CPAMD8: variants seen among roughly 807,000 people sequenced by gnomAD.
CPAMD8 encodes C3 and PZP-like alpha-2-macroglobulin domain-containing protein 8.
Under a neutral mutation model 224.7 loss-of-function variants are expected in CPAMD8, and 146 were observed. The observed-to-expected ratio is 0.65, with a 90% CI of 0.57 to 0.75. The LOEUF is 0.75. CPAMD8 is among the 30% of genes least tolerant of loss of function. CPAMD8 has a pLI of 0.00. For synonymous variants in CPAMD8, 966 were observed against 1,044.6 expected (o/e 0.92, Z 1.45); for missense variants, 2,301 against 2,537.5 (o/e 0.91, Z 2.00).
At chr19:16,943,296 G>A (rs970411021) in intron 22 of CPAMD8, among the ~76,000 whole-genome samples, 3 of 152,176 alleles carry the variant, frequency 2.0e-5, no homozygotes, top group Admixed American at 6.5e-5. Context: ...GACTATAGGC[G>A]TGAGCCACCG....
At chr19:16,988,336 C>T (rs186190047) in intron 13 of CPAMD8, among the ~76,000 whole-genome samples, 67 of 151,916 alleles carry the variant, frequency 4.4e-4, no homozygotes, top group South Asian at 1.1e-3. Context: ...ACGAGCCGGG[C>T]GTGGTGGCTC....
At chr19:16,932,023 C>T (rs2053560638) in intron 23 of CPAMD8, among the ~76,000 whole-genome samples, 1 of 151,726 alleles carries the variant, frequency 6.6e-6, no homozygotes, top group Non-Finnish European at 1.5e-5. Context: ...TGTAAGAACA[C>T]AAGAAACGTG....
chr19:17,003,048 A>G (rs2056382462), intron 8 of CPAMD8, among the ~76,000 whole-genome samples: 1 of 151,762 alleles, frequency 6.6e-6, no homozygotes, highest in African/African-American at 2.4e-5. Flanking sequence ...GACTGCAGGC[A>G]CATGCCACCA....
intron 17 of CPAMD8, among the ~76,000 whole-genome samples, chr19:16,972,439 A>AC (rs2055096036): frequency 6.8e-6 from 1 of 147,090 alleles, no homozygotes. Flanking sequence ...GTGAACAAGA[A>AC]TTTTTTTTTT....
chr19:16,903,542 G>A lies in CPAMD8; in HGVS notation c.4470+19C>T, dbSNP rs775083584. 1.9e-5 allele frequency: 30 copies of A among 1,613,780 alleles called. No homozygotes were observed. Among genetic ancestry groups the A allele is most frequent in the South Asian group, 1.1e-4 (10 of 91,058 alleles). On this transcript the variant is annotated intron_variant, in intron 34 of 41. Coordinates refer to ENST00000443236, the MANE Select transcript of CPAMD8 (RefSeq NM_015692.5). Reference sequence around the variant, plus strand: ...AGGAGGACAAGCCCAAGATCACCTCGTGCTCCCCAAAACCTCACCTGCATC... The same window carrying A: ...AGGAGGACAAGCCCAAGATCACCTCATGCTCCCCAAAACCTCACCTGCATC...
Position 17,026,801 on chromosome 19 carries a change from C to T in CPAMD8, c.-159G>A. ...GGCGCCATGCGCCCCGCTCCGCGCC[C>T]GGCCAAGCTGGGGCAGCCCCGGGCC... On this transcript the variant is annotated 5_prime_UTR_variant, in exon 1 of 42. Coordinates refer to ENST00000443236, the MANE Select transcript of CPAMD8 (RefSeq NM_015692.5). 1 of 1,084,856 alleles carries T rather than the reference C, an allele frequency of 9.2e-7. No individual in the cohort carries two copies. The highest frequency in any genetic ancestry group is 1.7e-5 in the African/African-American group (1 of 59,412). 67.2% of individuals were successfully genotyped at this position (1,084,856 alleles called of 1,614,324 possible). A position where few individuals can be genotyped will look rare whatever the true frequency, so the allele number is the denominator to read the frequency against.
intron 23 of CPAMD8, among the ~76,000 whole-genome samples, chr19:16,937,620 C>T (rs1260061584): frequency 6.6e-6 from 1 of 150,564 alleles, no homozygotes; most frequent in Admixed American, 6.6e-5. Context: ...GGATTACAGG[C>T]ACACACAACC....
chr19:16,943,450 C>A (rs1415936508), intron 22 of CPAMD8, among the ~76,000 whole-genome samples: 2 of 151,946 alleles, frequency 1.3e-5, no homozygotes, highest in Non-Finnish European at 2.9e-5. Flanking sequence ...GTTTTCCAGG[C>A]TGAGTATAGT....
rs756126378 is a variant in CPAMD8 at position 16,903,696 on chromosome 19, A to C, written c.4407+6T>G. The C allele has an allele frequency of 6.2e-7, 1 of 1,614,062 alleles. No individual in the cohort carries two copies. The highest frequency in any genetic ancestry group is 1.1e-5 in the South Asian group (1 of 91,076). ...ACCCCCAAACCCTCATCCCAGGAACACGCACCGCTGCTGTCTGCAGAACCT... is the reference window on the plus strand; with the variant it reads ...ACCCCCAAACCCTCATCCCAGGAACCCGCACCGCTGCTGTCTGCAGAACCT... On this transcript the variant is annotated splice_donor_region_variant and intron_variant, in intron 33 of 41. Transcript: ENST00000443236.
At chr19:17,022,579 A>G (rs2056988324) in intron 1 of CPAMD8, among the ~76,000 whole-genome samples, 1 of 149,482 alleles carries the variant, frequency 6.7e-6, no homozygotes, top group Non-Finnish European at 1.5e-5. Flanking sequence ...GCTCACTACA[A>G]CCTCCACCTC....
intron 3 of CPAMD8, among the ~76,000 whole-genome samples, chr19:17,014,567 G>A (rs1466684579): frequency 6.6e-6 from 1 of 152,188 alleles, no homozygotes; most frequent in East Asian, 1.9e-4. Context: ...GGCTGGGGAG[G>A]TCTCACAATC....
chr19:17,000,495 A>T lies in CPAMD8; in HGVS notation c.786T>A (p.Gly262=), dbSNP rs765391726. 9 of 1,428,244 alleles carry T rather than the reference A, an allele frequency of 6.3e-6. No individual in the cohort carries two copies. In the African/African-American group the frequency reaches 9.8e-5, roughly 16 times the overall value. The allele number at this position is 1,428,244 out of a possible 1,614,324, so 88.5% of individuals were successfully genotyped here. Residue 262 remains glycine, a synonymous_variant, in exon 10 of 42, where the codon GGT becomes GGA. Transcript: ENST00000443236. Reference sequence around the variant, plus strand: ...TAACAGTCATGTTGATCATTAAGGCACCAGCCACAGGTTTCCCAAAGGTAT... The same window carrying T: ...TAACAGTCATGTTGATCATTAAGGCTCCAGCCACAGGTTTCCCAAAGGTAT... ...ARYTFGKPVA[G]ALMINMTVNG... is the part of the protein sequence containing the mutation.
chr19:17,020,434 C>CA, intron 2 of CPAMD8, 81 bp from the exon 3 acceptor site: 1 of 1,038,636 alleles, frequency 9.6e-7, no homozygotes, highest in Admixed American at 1.8e-5. Context: ...TCACAAACCA[C>CA]AAACTTTCTT....
Position 16,928,013 on chromosome 19 carries a change from G to C in CPAMD8, c.3366C>G (p.Ile1122Met). The C allele has an allele frequency of 6.2e-7, 1 of 1,610,020 alleles. No individual in the cohort carries two copies. Among genetic ancestry groups the C allele is most frequent in the Non-Finnish European group, 8.5e-7 (1 of 1,176,364 alleles). ...IPGSERATASIIGDVMGPTLN... is the reference protein window; with the variant it reads ...IPGSERATASMIGDVMGPTLN... ...CAGGCTGTGGGACAGACGCACCGATGATGGAGGCGGTGGCTCGCTCAGACC... is the reference window on the plus strand; with the variant it reads ...CAGGCTGTGGGACAGACGCACCGATCATGGAGGCGGTGGCTCGCTCAGACC... The change falls in exon 25 of 42, where the codon ATC (isoleucine) becomes ATG (methionine). Residue 1122 changes from isoleucine to methionine, a missense_variant. Around this residue, in one of 4 missense-constraint regions of CPAMD8, gnomAD observed 1,709 missense variants for 1,753.2 expected, o/e 0.97. Transcript: ENST00000443236.
chr19:17,005,266 C>T (rs1017435565), intron 7 of CPAMD8, among the ~76,000 whole-genome samples: 3 of 152,098 alleles, frequency 2.0e-5, no homozygotes, highest in Admixed American at 1.3e-4. Flanking sequence ...GAGCATCTTC[C>T]CTGGCCTCCA....
At chr19:16,945,961 TTG>T (rs2054061703) in intron 21 of CPAMD8, among the ~76,000 whole-genome samples, 1 of 151,878 alleles carries the variant, frequency 6.6e-6, no homozygotes, top group South Asian at 2.1e-4. Flanking sequence ...GTGCACGAGT[TTG>T]TGTGTGCATT....
intron 7 of CPAMD8, among the ~76,000 whole-genome samples, chr19:17,007,933 C>G (rs2056538653): frequency 6.6e-6 from 1 of 152,168 alleles, no homozygotes; most frequent in African/African-American, 2.4e-5. Context: ...TTTGGGAGGA[C>G]AAGGCGGGTG....
At position 16,928,063 on chromosome 19, in the gene CPAMD8, C is replaced by G; in HGVS notation, c.3316G>C (p.Gly1106Arg). The change falls in exon 25 of 42, where the codon GGG becomes CGG. Residue 1106 changes from glycine (G) to arginine (R), a missense_variant. Gly to Arg is a moderately radical substitution (Grantham distance 125). Around this residue, in one of 4 missense-constraint regions of CPAMD8, gnomAD observed 1,709 missense variants for 1,753.2 expected, o/e 0.97. Transcript: ENST00000443236. ...DESYSEAFTL[G>R]VPHGAIPGSE... ...CCAGGGATGGCGCCGTGTGGGACCC[C>G]CAGGGTGAAGGCCTCGCTGTAGCTC... 6.2e-7 allele frequency: 1 copy of G among 1,614,026 alleles called. No individual in the cohort carries two copies. Among genetic ancestry groups the G allele is most frequent in the African/African-American group, 1.3e-5 (1 of 75,058 alleles).
At position 16,928,015 on chromosome 19, in the gene CPAMD8, T is replaced by C; in HGVS notation, c.3364A>G (p.Ile1122Val). The C allele has an allele frequency of 1.9e-6, 3 of 1,610,954 alleles. No individual in the cohort carries two copies. The highest frequency in any genetic ancestry group is 2.5e-6 in the Non-Finnish European group (3 of 1,177,222). Residue 1122 changes from isoleucine to valine, a missense_variant, in exon 25 of 42, where the codon ATC becomes GTC. This residue lies in a region of CPAMD8 where 1,709 missense variants were observed against 1,753.2 expected (regional missense o/e 0.97). Transcript: ENST00000443236. The stretch of plus-strand genomic sequence containing the variant: ...GGCTGTGGGACAGACGCACCGATGA[T>C]GGAGGCGGTGGCTCGCTCAGACCCA... ...IPGSERATAS[I>V]IGDVMGPTLN...
Sources: gnomAD v4.1 joint callset for allele counts (sites outside exome capture counted in the v4.1 genomes callset) on GRCh38, gnomAD v4.1.1 for gene constraint, gnomAD v4.1.1 regional missense constraint, MANE v1.5 for transcripts, NCBI Gene and HGNC (gene_info 2026-07-23, HGNC 2026-07-21) for gene names.